Variants in RNF24 observed in about 807,000 individuals in gnomAD.
The protein encoded by RNF24 is ring finger protein 24.
RNF24 carries 14 observed loss-of-function variants against 20.0 expected under a neutral mutation model. The observed-to-expected ratio is 0.70, with a 90% CI of 0.46 to 1.10. The LOEUF (loss-of-function observed/expected upper bound fraction) is 1.10, where lower values mean the gene tolerates loss of function less well. RNF24 is among the 50% of genes least tolerant of loss of function. The pLI, the probability that RNF24 is intolerant of heterozygous loss-of-function variation, is 0.00. For synonymous variants in RNF24, 45 were observed against 61.1 expected, an observed-to-expected ratio of 0.74 and a Z score of 1.23; for missense variants, 124 against 177.6, an observed-to-expected ratio of 0.70 and a Z score of 1.71.
intron 2 of RNF24, among the ~76,000 whole-genome samples, chr20:3,963,265 T>C (rs980903476): frequency 1.3e-5 from 2 of 152,218 alleles, no homozygotes; most frequent in Non-Finnish European, 2.9e-5. Flanking sequence ...CGATCTTGGC[T>C]CACTGCAACC....
chr20:3,999,509 C>T (rs1039999063), intron 1 of RNF24, among the ~76,000 whole-genome samples: 4 of 152,118 alleles, frequency 2.6e-5, no homozygotes, highest in Admixed American at 1.3e-4. Context: ...AATTCCAGCA[C>T]ATTGGGAGGC....
In RNF24 at chr20:3,933,414, A is replaced by T; in HGVS notation, c.*649T>A. 1 of 385,092 alleles carries T rather than the reference A, an allele frequency of 2.6e-6. No homozygotes were observed. Among genetic ancestry groups the T allele is most frequent in the African/African-American group, 2.1e-5 (1 of 48,538 alleles). The allele number at this position is 385,092 out of a possible 1,614,324, so 23.9% of individuals were successfully genotyped here. On this transcript the variant is annotated 3_prime_UTR_variant, in exon 6 of 6. Coordinates refer to ENST00000358395, the MANE Select transcript of RNF24 (RefSeq NM_001134337.3). ...TGGTGCATAGGAGAGGGAAATGATA[A>T]GAGGAAATGGCTTCTGACTAGGCCT... is the stretch of plus-strand genomic sequence containing the variant.
chr20:4,003,447 AG>A (rs1255288836), intron 1 of RNF24, among the ~76,000 whole-genome samples: 2 of 152,228 alleles, frequency 1.3e-5, no homozygotes, highest in East Asian at 3.8e-4. Flanking sequence ...CAAAGTAAAC[AG>A]AACAGAAAAT....
At position 3,934,903 on chromosome 20, in the gene RNF24, A is replaced by G; in HGVS notation, c.308+91T>C. The G allele has an allele frequency of 3.0e-6, 3 of 987,852 alleles. No individual in the cohort carries two copies. The highest frequency in any genetic ancestry group is 2.7e-5 in the South Asian group (2 of 75,016). The allele number at this position is 987,852 out of a possible 1,614,324, so 61.2% of individuals were successfully genotyped here. ...TTACAGACCAATCATGAAGCCATCA[A>G]GCTTGTCTGGCACTGCCCTAAAACC... On this transcript the variant is annotated intron_variant, in intron 5 of 5. Coordinates refer to ENST00000358395, the MANE Select transcript of RNF24 (RefSeq NM_001134337.3). This position sits in a 1 kb window ranked among gnomAD's most constrained non-coding sequence, Gnocchi z 4.0.
chr20:3,930,202 C>T lies in RNF24; in HGVS notation c.*3861G>A, dbSNP rs889381644. On this transcript the variant is annotated 3_prime_UTR_variant, in exon 6 of 6. Transcript: ENST00000358395. ...ATTTGTGAACCACATGAATGGATTA[C>T]CTATTCAAAACATTAAGAAAGAAAT... 3.3e-5 allele frequency: 5 copies of T among 152,162 alleles called. No homozygotes were observed. The highest frequency in any genetic ancestry group is 1.2e-4 in the African/African-American group (5 of 41,434). 9.4% of individuals were successfully genotyped at this position (152,162 alleles called of 1,614,324 possible). A position where few individuals can be genotyped will look rare whatever the true frequency, so the allele number is the denominator to read the frequency against.
At chr20:3,980,096 T>G (rs6052208) in intron 1 of RNF24, among the ~76,000 whole-genome samples, 3 of 152,146 alleles carry the variant, frequency 2.0e-5, no homozygotes, top group Admixed American at 6.5e-5. Context: ...AAAACATCCA[T>G]GAGATAATTT....
intron 1 of RNF24, among the ~76,000 whole-genome samples, chr20:4,012,272 C>G (rs996476868): frequency 1.3e-5 from 2 of 152,068 alleles, no homozygotes; most frequent in Non-Finnish European, 2.9e-5. Context: ...AAAAAATTAG[C>G]CAGGCGTGGT....
chr20:4,014,775 ACAT>A (rs899927070), intron 1 of RNF24, among the ~76,000 whole-genome samples: 35 of 146,728 alleles, frequency 2.4e-4, no homozygotes, highest in Admixed American at 6.7e-5. Context: ...ACACACACAC[ACAT>A]CATTAGGTCT....
intron 1 of RNF24, among the ~76,000 whole-genome samples, chr20:3,965,349 A>T (rs1203143893): frequency 6.6e-6 from 1 of 152,174 alleles, no homozygotes; most frequent in Non-Finnish European, 1.5e-5. Context: ...GACACCACTG[A>T]GATGCTAACT....
rs2090870477 is a variant in RNF24, at chr20:3,934,832, C to T, written c.308+162G>A. On this transcript the variant is annotated intron_variant, in intron 5 of 5. Transcript: ENST00000358395. This position sits in a 1 kb window ranked among gnomAD's most constrained non-coding sequence, Gnocchi z 4.0. ...CACTCTGCTGTCTCCTAATGTCACG[C>T]ACACACACACACATCCCACCTGTAG... Among the ~76,000 whole-genome samples, 1 of 151,602 alleles carries T rather than the reference C, an allele frequency of 6.6e-6. No individual in the cohort carries two copies. The highest frequency in any genetic ancestry group is 6.6e-5 in the Admixed American group (1 of 15,218).
At chr20:3,963,837 A>AACATATTT (rs763673480) in intron 2 of RNF24, 38 bp downstream of exon 2, 1 of 1,462,988 alleles carries the variant, frequency 6.8e-7, no homozygotes. Flanking sequence ...TTGATTATTT[A>AACATATTT]ACATATTTTG....
chr20:3,988,761 T>C lies in RNF24; in HGVS notation c.-7-24737A>G, dbSNP rs181800117. The stretch of plus-strand genomic sequence containing the variant: ...AGCGTGAGCCACAGCACCAGGCCCA[T>C]ATGAAATTTTTTGAAAAATATTTTG... On this transcript the variant is annotated intron_variant, in intron 1 of 5. Transcript: ENST00000358395. 3.9e-4 allele frequency among the ~76,000 whole-genome samples: 60 copies of C among 152,266 alleles called. No homozygotes were observed. In the Middle Eastern group the frequency reaches 0.01, roughly 26 times the overall value.
rs2090865184 is a variant in RNF24, at chr20:3,934,388, G to A, written c.309-187C>T. On this transcript the variant is annotated intron_variant, in intron 5 of 5. Coordinates refer to ENST00000358395, the MANE Select transcript of RNF24 (RefSeq NM_001134337.3). This position sits in a 1 kb window ranked among gnomAD's most constrained non-coding sequence, Gnocchi z 4.0. The stretch of plus-strand genomic sequence containing the variant: ...AAGAGACAGAGAGAAGGAGTGGGGA[G>A]AGGCCAAGGGGTCAGCAATCCCCTC... Among the ~76,000 whole-genome samples the A allele has an allele frequency of 6.6e-6, 1 of 152,192 alleles. No individual in the cohort carries two copies. Among genetic ancestry groups the A allele is most frequent in the Non-Finnish European group, 1.5e-5 (1 of 68,028 alleles).
At chr20:3,949,940 G>C (rs2091063056) in intron 2 of RNF24, among the ~76,000 whole-genome samples, 1 of 152,122 alleles carries the variant, frequency 6.6e-6, no homozygotes, top group African/African-American at 2.4e-5. Flanking sequence ...GTAGGTCTAT[G>C]ATCCATCTGA....
chr20:4,006,845 A>G (rs1981911178), intron 1 of RNF24, among the ~76,000 whole-genome samples: 1 of 152,238 alleles, frequency 6.6e-6, no homozygotes, highest in Non-Finnish European at 1.5e-5. Context: ...GCCACTGGCC[A>G]GCTATTCTTG....
intron 1 of RNF24, among the ~76,000 whole-genome samples, chr20:4,001,032 C>T (rs777437169): frequency 6.6e-5 from 10 of 152,174 alleles, no homozygotes; most frequent in Non-Finnish European, 1.3e-4. Context: ...TTTGGGAGGC[C>T]GAGGCAGGCA....
Position 3,933,980 on chromosome 20 carries a change from G to C in RNF24, c.*83C>G. On this transcript the variant is annotated 3_prime_UTR_variant, in exon 6 of 6. Coordinates refer to ENST00000358395, the MANE Select transcript of RNF24 (RefSeq NM_001134337.3). ...AGTGGCAGCTGGTGTCCTAGGTAGAGAGCAGCCATACAGACACCACATGTG... is the reference window on the plus strand; with the variant it reads ...AGTGGCAGCTGGTGTCCTAGGTAGACAGCAGCCATACAGACACCACATGTG... The C allele has an allele frequency of 7.7e-7, 1 of 1,298,096 alleles. No homozygotes were observed. The highest frequency in any genetic ancestry group is 1.0e-6 in the Non-Finnish European group (1 of 993,474). The allele number at this position is 1,298,096 out of a possible 1,614,324, so 80.4% of individuals were successfully genotyped here. A position where few individuals can be genotyped will look rare whatever the true frequency, so the allele number is the denominator to read the frequency against.
At chr20:4,014,302 C>T (rs1982698737) in intron 1 of RNF24, among the ~76,000 whole-genome samples, 1 of 152,208 alleles carries the variant, frequency 6.6e-6, no homozygotes, top group African/African-American at 2.4e-5. Context: ...TGCTGGACTA[C>T]CTTCTCATTA....
chr20:3,988,686 T>C (rs2147042165), intron 1 of RNF24, among the ~76,000 whole-genome samples: 1 of 152,274 alleles, frequency 6.6e-6, no homozygotes, highest in African/African-American at 2.4e-5. Context: ...CTGGAATTCT[T>C]GAGCTCAAGG....
Sources: gnomAD v4.1 joint callset for allele counts (sites outside exome capture counted in the v4.1 genomes callset) on GRCh38, gnomAD v4.1.1 for gene constraint, Gnocchi (gnomAD v3.1) non-coding constraint, MANE v1.5 for transcripts, NCBI Gene and HGNC (gene_info 2026-07-23, HGNC 2026-07-21) for gene names.